TENM2: variants seen among roughly 807,000 people sequenced by gnomAD.
TENM2 encodes the protein teneurin transmembrane protein 2.
In TENM2, 52 loss-of-function variants were observed where a neutral mutation model predicts 245.2. The observed-to-expected ratio is 0.21, with a 90% CI of 0.17 to 0.27. The LOEUF (loss-of-function observed/expected upper bound fraction) is 0.27. Ranked by LOEUF, TENM2 falls within the 10% of genes least tolerant of loss-of-function variation. The probability of loss-of-function intolerance (pLI) is 1.00; values close to 1 mark genes in which losing one functional copy is unlikely to be tolerated. For missense variants in TENM2, 3,046 were observed against 3,666.8 expected, an observed-to-expected ratio of 0.83 and a Z score of 4.37; for synonymous variants, 1,363 against 1,438.9, an observed-to-expected ratio of 0.95 and a Z score of 1.19.
chr5:168,037,538 C>CT (rs35253311), intron 5 of TENM2, among the ~76,000 whole-genome samples: 8,141 of 135,576 alleles, frequency 0.06, 410 homozygotes, highest in African/African-American at 0.1. Flanking sequence ...CCATAATGGT[C>CT]TTTTTTTTTT....
intron 3 of TENM2, among the ~76,000 whole-genome samples, chr5:167,938,942 CAA>C (rs57042901): frequency 0.14 from 14,496 of 105,026 alleles, 773 homozygotes; most frequent in Middle Eastern, 0.22. Flanking sequence ...GACTCCGTCT[CAA>C]AAAAAAAAAA....
chr5:167,940,981 G>A (rs564574500), intron 3 of TENM2, among the ~76,000 whole-genome samples: 6 of 152,134 alleles, frequency 3.9e-5, no homozygotes, highest in African/African-American at 9.7e-5. Context: ...ATTATTTCAC[G>A]TGAGAGATGA....
At chr5:167,924,972 T>C (rs1014615735) in intron 3 of TENM2, among the ~76,000 whole-genome samples, 2 of 152,154 alleles carry the variant, frequency 1.3e-5, no homozygotes, top group Non-Finnish European at 2.9e-5. Flanking sequence ...TGGAAAACTG[T>C]TTGACATTCT....
intron 7 of TENM2, among the ~76,000 whole-genome samples, chr5:168,089,811 C>T (rs905989322): frequency 4.6e-5 from 7 of 152,132 alleles, no homozygotes; most frequent in African/African-American, 1.7e-4. Flanking sequence ...ATGATAATAA[C>T]GATCATGACG....
chr5:168,069,188 T>C (rs1790766634), intron 7 of TENM2, among the ~76,000 whole-genome samples: 1 of 152,180 alleles, frequency 6.6e-6, no homozygotes, highest in Non-Finnish European at 1.5e-5. Context: ...ACAGTATCCA[T>C]CAGTGCAATT....
the TENM2 span, among the ~76,000 whole-genome samples, chr5:167,084,327 T>TTTTATATATA: frequency 2.2e-3 from 52 of 23,186 alleles, 3 homozygotes; most frequent in Non-Finnish European, 4.9e-3. Flanking sequence ...GCCATTTTAG[T>TTTTATATATA]TATATATATA....
At chr5:167,755,170 G>A (rs1762224923) in intron 2 of TENM2, 1 of 1,598,992 alleles carries the variant, frequency 6.3e-7, no homozygotes, top group South Asian at 1.1e-5. Flanking sequence ...TTCTCCATGG[G>A]AAGGTTGTGA....
At chr5:167,817,249 G>T (rs1005836919) in intron 2 of TENM2, among the ~76,000 whole-genome samples, 1 of 152,166 alleles carries the variant, frequency 6.6e-6, no homozygotes, top group Non-Finnish European at 1.5e-5. Context: ...TGTAGAATCT[G>T]CTTCTTCTGA....
At chr5:167,958,677 G>T (rs1780751888) in intron 4 of TENM2, among the ~76,000 whole-genome samples, 1 of 152,146 alleles carries the variant, frequency 6.6e-6, no homozygotes, top group Non-Finnish European at 1.5e-5. Context: ...AGGCCTGGTG[G>T]TGACAAAAAT....
chr5:167,404,729 C>A (rs183303995), intron 2 of TENM2, among the ~76,000 whole-genome samples: 1 of 152,276 alleles, frequency 6.6e-6, no homozygotes, highest in South Asian at 2.1e-4. Context: ...TCATGCCCTG[C>A]TCATGTTTCT....
At chr5:167,265,395 C>T in the TENM2 span, among the ~76,000 whole-genome samples, 6 of 149,434 alleles carry the variant, frequency 4.0e-5, no homozygotes, top group East Asian at 7.8e-4. Context: ...AGGGTTTGCT[C>T]GATGAATGCT....
chr5:167,815,098 G>A (rs1161703160), intron 2 of TENM2, among the ~76,000 whole-genome samples: 1 of 152,156 alleles, frequency 6.6e-6, no homozygotes, highest in African/African-American at 2.4e-5. Context: ...GTTGTGTGAA[G>A]TTTTGTTTTC....
intron 1 of TENM2, among the ~76,000 whole-genome samples, chr5:167,365,492 G>T (rs1039785493): frequency 6.6e-6 from 1 of 151,026 alleles, no homozygotes; most frequent in South Asian, 2.1e-4. Flanking sequence ...TTGAAAAATC[G>T]ATAAAATAAA....
intron 2 of TENM2, among the ~76,000 whole-genome samples, chr5:167,831,371 T>G (rs750738528): frequency 2.0e-5 from 3 of 152,080 alleles, no homozygotes; most frequent in Non-Finnish European, 4.4e-5. Flanking sequence ...ATGCATATCT[T>G]CAGGTCCTCT....
the TENM2 span, among the ~76,000 whole-genome samples, chr5:167,153,682 T>TAC: frequency 1.3e-3 from 190 of 150,494 alleles, no homozygotes; most frequent in South Asian, 1.5e-3. Flanking sequence ...TATATATATA[T>TAC]ACACACACAC....
intron 4 of TENM2, among the ~76,000 whole-genome samples, chr5:167,991,925 G>A (rs1049550618): frequency 3.3e-5 from 5 of 152,160 alleles, no homozygotes; most frequent in Non-Finnish European, 7.3e-5. Context: ...AATCTAAAAT[G>A]GAGAGATTCT....
At chr5:168,054,620 T>C (rs984862776) in intron 6 of TENM2, among the ~76,000 whole-genome samples, 2 of 152,228 alleles carry the variant, frequency 1.3e-5, no homozygotes, top group African/African-American at 2.4e-5. Context: ...TATCACTTGT[T>C]TGGGGAATAG....
At chr5:167,421,591 T>C (rs9313380) in intron 2 of TENM2, among the ~76,000 whole-genome samples, 109,784 of 151,964 alleles carry the variant, frequency 0.72, 40,239 homozygotes, top group Middle Eastern at 0.86. Flanking sequence ...AGTGTGGACG[T>C]TGGCGACTAA....
the TENM2 span, among the ~76,000 whole-genome samples, chr5:167,266,567 T>C: frequency 6.6e-6 from 1 of 152,206 alleles, no homozygotes; most frequent in African/African-American, 2.4e-5. Flanking sequence ...TAAAGCCTGA[T>C]ATTTTGATCC....
Sources: allele counts gnomAD v4.1 joint callset (sites outside exome capture counted in the v4.1 genomes callset), GRCh38; gene constraint gnomAD v4.1.1; transcripts MANE v1.5; gene names NCBI Gene and HGNC (gene_info 2026-07-23, HGNC 2026-07-21).